TNRC18: variants seen among roughly 807,000 people sequenced by gnomAD.
TNRC18 encodes the protein trinucleotide repeat containing 18, also known as trinucleotide repeat-containing gene 18 protein.
TNRC18 carries 69 observed loss-of-function variants against 226.7 expected under a neutral mutation model. The observed-to-expected ratio is 0.30, with a 90% CI of 0.25 to 0.37. TNRC18 has a LOEUF of 0.37. TNRC18 is among the 10% of genes least tolerant of loss of function. The probability of loss-of-function intolerance (pLI) is 1.00; values close to 1 mark genes in which losing one functional copy is unlikely to be tolerated. For synonymous variants in TNRC18, 2,449 were observed against 1,927.6 expected, an observed-to-expected ratio of 1.27 and a Z score of -7.09; for missense variants, 4,754 against 4,256.6, an observed-to-expected ratio of 1.12 and a Z score of -3.25.
chr7:5,338,711 G>A (rs932679330), intron 18 of TNRC18, among the ~76,000 whole-genome samples: 4 of 150,224 alleles, frequency 2.7e-5, no homozygotes, highest in African/African-American at 4.9e-5. Flanking sequence ...ACGTGAGGTC[G>A]GGAGTTTGAG....
At position 5,421,279 on chromosome 7, in the gene TNRC18, C is replaced by T. The variant is rs1441594338; in HGVS notation, c.-33G>A. 7.9e-7 allele frequency: 1 copy of T among 1,271,108 alleles called. No homozygotes were observed. The highest frequency in any genetic ancestry group is 9.9e-7 in the Non-Finnish European group (1 of 1,006,458). 78.7% of individuals were successfully genotyped at this position (1,271,108 alleles called of 1,614,324 possible). ...GGGAGTGCCGCGATCAGCCCCCCAC[C>T]CGGCCCGCAGGCCTAGCTCAGTGGG... On this transcript the variant is annotated 5_prime_UTR_variant, in exon 2 of 30. Transcript: ENST00000430969.
chr7:5,371,292 G>A lies in TNRC18; in HGVS notation c.3302C>T (p.Pro1101Leu). 6.4e-7 allele frequency: 1 copy of A among 1,572,776 alleles called. No homozygotes were observed. Among genetic ancestry groups the A allele is most frequent in the Non-Finnish European group, 8.6e-7 (1 of 1,161,858 alleles). Residue 1101 changes from proline to leucine, a missense_variant, in exon 11 of 30, where the codon CCC (proline) becomes CTC (leucine). Pro to Leu is a moderately conservative substitution (Grantham distance 98). Coordinates refer to ENST00000430969, the MANE Select transcript of TNRC18 (RefSeq NM_001080495.3). ...GCCGTCCGCGTCGGCGGCGGCCGTG[G>A]GCTGCAGCAGGAAAGGGTAGGGCCT... Reference protein sequence around the residue: ...YGRPYPFLLQPTAAADADGLA... With the variant: ...YGRPYPFLLQLTAAADADGLA...
At chr7:5,351,735 C>A (rs574476372) in intron 17 of TNRC18, 84 bp downstream of exon 17, 3 of 1,429,444 alleles carry the variant, frequency 2.1e-6, no homozygotes, top group Non-Finnish European at 2.8e-6. Context: ...CTCTCCCGTG[C>A]GCCCACTCGC....
chr7:5,332,469 G>A lies in TNRC18; in HGVS notation c.6147+153C>T, dbSNP rs970934611. Among the ~76,000 whole-genome samples the A allele has an allele frequency of 1.7e-4, 26 of 152,292 alleles. 1 individual carries two copies. Among genetic ancestry groups the A allele is most frequent in the Admixed American group, 1.5e-3 (23 of 15,298 alleles). The stretch of plus-strand genomic sequence containing the variant: ...GAACAGGTGCCCAGCTCCTGCTGTG[G>A]CTAAGTCCTAGCAGGGGCTCCGGGC... On this transcript the variant is annotated intron_variant, in intron 19 of 29. Transcript: ENST00000430969.
At chr7:5,321,238 G>A (rs777056893) in intron 21 of TNRC18, 48 bp from the exon 22 acceptor site, 52 of 1,349,318 alleles carry the variant, frequency 3.9e-5, no homozygotes, top group Middle Eastern at 2.5e-4. Context: ...GGGCGTCTGC[G>A]ACACCTCTCC....
intron 17 of TNRC18, among the ~76,000 whole-genome samples, chr7:5,346,737 C>T (rs1399230496): frequency 1.3e-5 from 2 of 152,340 alleles, no homozygotes; most frequent in Middle Eastern, 3.4e-3. Flanking sequence ...CTCTCTGAGC[C>T]TCTATTTTCT....
At chr7:5,354,711 T>C (rs886582624) in intron 16 of TNRC18, among the ~76,000 whole-genome samples, 5 of 152,134 alleles carry the variant, frequency 3.3e-5, no homozygotes, top group African/African-American at 1.2e-4. Flanking sequence ...GCATGAGTCC[T>C]GGTGACCTGC....
intron 21 of TNRC18, 54 bp from the exon 22 acceptor site, chr7:5,321,244 T>A (rs1424950515): frequency 7.7e-7 from 1 of 1,295,950 alleles, no homozygotes; most frequent in Non-Finnish European, 1.1e-6. Context: ...CTGCGACACC[T>A]CTCCCTCCTC....
chr7:5,377,095 T>A lies in TNRC18; in HGVS notation c.2462-102A>T. On this transcript the variant is annotated intron_variant, in intron 7 of 29. Coordinates refer to ENST00000430969, the MANE Select transcript of TNRC18 (RefSeq NM_001080495.3). The surrounding 1 kb of genome is among the most constrained non-coding windows in gnomAD (Gnocchi z 5.8). ...ACCACCTCCCAAGTCCTGAACCTCC[T>A]GGGGCCTCCAGTGGGGAAGCCAAGG... 6.8e-7 allele frequency: 1 copy of A among 1,473,966 alleles called. No individual in the cohort carries two copies. The highest frequency in any genetic ancestry group is 9.1e-7 in the Non-Finnish European group (1 of 1,103,394). The allele number at this position is 1,473,966 out of a possible 1,614,324, so 91.3% of individuals were successfully genotyped here. A position where few individuals can be genotyped will look rare whatever the true frequency, so the allele number is the denominator to read the frequency against.
chr7:5,339,993 C>T (rs945865780), intron 18 of TNRC18, among the ~76,000 whole-genome samples: 3 of 152,072 alleles, frequency 2.0e-5, no homozygotes, highest in African/African-American at 4.8e-5. Context: ...ACAACAATAC[C>T]GAAATTAGGT....
Position 5,308,068 on chromosome 7 carries a change from G to T in TNRC18, c.*38C>A. 1 of 1,528,080 alleles carries T rather than the reference G, an allele frequency of 6.5e-7. No individual in the cohort carries two copies. Among genetic ancestry groups the T allele is most frequent in the Non-Finnish European group, 8.8e-7 (1 of 1,131,196 alleles). The allele number at this position is 1,528,080 out of a possible 1,614,324, so 94.7% of individuals were successfully genotyped here. A position where few individuals can be genotyped will look rare whatever the true frequency, so the allele number is the denominator to read the frequency against. The stretch of plus-strand genomic sequence containing the variant: ...CAGTGATGGAGATGGGTCCCTGGCC[G>T]CCCTCGGGGCACAGGTGGCCCGCAG... On this transcript the variant is annotated 3_prime_UTR_variant, in exon 30 of 30. Transcript: ENST00000430969.
In TNRC18 at chr7:5,389,027, A is replaced by T; in HGVS notation, c.797T>A (p.Leu266Gln). The change falls in exon 5 of 30, where the codon CTG (leucine) becomes CAG (glutamine). Residue 266 changes from leucine to glutamine, a missense_variant. Coordinates refer to ENST00000430969, the MANE Select transcript of TNRC18 (RefSeq NM_001080495.3). ...CGCATTCTTGGTCTTGGACTCAGCC[A>T]GGAAGGGCGACAGGCGCTCAGCCAG... ...PRLAERLSPFLAESKTKNAAL... is the reference protein window; with the variant it reads ...PRLAERLSPFQAESKTKNAAL... 7.6e-7 allele frequency: 1 copy of T among 1,317,214 alleles called. No homozygotes were observed. The highest frequency in any genetic ancestry group is 9.8e-7 in the Non-Finnish European group (1 of 1,023,988). 81.6% of individuals were successfully genotyped at this position (1,317,214 alleles called of 1,614,324 possible).
chr7:5,340,782 A>G (rs572984155), intron 18 of TNRC18, among the ~76,000 whole-genome samples: 1 of 151,936 alleles, frequency 6.6e-6, no homozygotes, highest in Non-Finnish European at 1.5e-5. Context: ...AGCCGTCTCC[A>G]TAACATAAAA....
In TNRC18 at chr7:5,421,284, C is replaced by T; in HGVS notation, c.-38G>A. On this transcript the variant is annotated 5_prime_UTR_variant, in exon 2 of 30. Coordinates refer to ENST00000430969, the MANE Select transcript of TNRC18 (RefSeq NM_001080495.3). Reference sequence around the variant, plus strand: ...TGCCGCGATCAGCCCCCCACCCGGCCCGCAGGCCTAGCTCAGTGGGACCTA... The same window carrying T: ...TGCCGCGATCAGCCCCCCACCCGGCTCGCAGGCCTAGCTCAGTGGGACCTA... 1 of 1,266,908 alleles carries T rather than the reference C, an allele frequency of 7.9e-7. No homozygotes were observed. Among genetic ancestry groups the T allele is most frequent in the Non-Finnish European group, 1.0e-6 (1 of 1,004,110 alleles). 78.5% of individuals were successfully genotyped at this position (1,266,908 alleles called of 1,614,324 possible).
intron 12 of TNRC18, among the ~76,000 whole-genome samples, chr7:5,362,427 T>C (rs1341655271): frequency 6.6e-6 from 1 of 152,078 alleles, no homozygotes; most frequent in Non-Finnish European, 1.5e-5. Flanking sequence ...CACCGCGACC[T>C]GTGTGATGAG....
At chr7:5,359,898 G>C (rs1792852475) in intron 14 of TNRC18, among the ~76,000 whole-genome samples, 1 of 152,058 alleles carries the variant, frequency 6.6e-6, no homozygotes, top group Admixed American at 6.6e-5. Flanking sequence ...ACAAAGATCA[G>C]AAACGCCAAG....
chr7:5,308,007 C>T lies in TNRC18; in HGVS notation c.*99G>A, dbSNP rs565491517. 3.0e-5 allele frequency: 35 copies of T among 1,156,568 alleles called. No individual in the cohort carries two copies. Among genetic ancestry groups the T allele is most frequent in the Non-Finnish European group, 3.7e-5 (30 of 819,368 alleles). 71.6% of individuals were successfully genotyped at this position (1,156,568 alleles called of 1,614,324 possible). A position where few individuals can be genotyped will look rare whatever the true frequency, so the allele number is the denominator to read the frequency against. ...CCATGCACACGCCTGCAGGAGCGCT[C>T]GCATGCACACAACGCACGTGGTCTC... On this transcript the variant is annotated 3_prime_UTR_variant, in exon 30 of 30. Coordinates refer to ENST00000430969, the MANE Select transcript of TNRC18 (RefSeq NM_001080495.3).
rs773549781 is a variant in TNRC18 at position 5,377,329 on chromosome 7, C to G, written c.2461+42G>C. ...TGTCCTGCACCCGCCCCCTCCCACCCCTCCCTCAGAGAAGGGGAGAGACCC... is the reference window on the plus strand; with the variant it reads ...TGTCCTGCACCCGCCCCCTCCCACCGCTCCCTCAGAGAAGGGGAGAGACCC... On this transcript the variant is annotated intron_variant, in intron 7 of 29. Coordinates refer to ENST00000430969, the MANE Select transcript of TNRC18 (RefSeq NM_001080495.3). This position sits in a 1 kb window ranked among gnomAD's most constrained non-coding sequence, Gnocchi z 5.8. 5 of 1,220,588 alleles carry G rather than the reference C, an allele frequency of 4.1e-6. No individual in the cohort carries two copies. The African/African-American group carries it at 7.6e-5, about 18-fold the overall frequency. The allele number at this position is 1,220,588 out of a possible 1,614,324, so 75.6% of individuals were successfully genotyped here.
At chr7:5,398,248 G>A (rs979658629) in intron 2 of TNRC18, among the ~76,000 whole-genome samples, 21 of 151,682 alleles carry the variant, frequency 1.4e-4, no homozygotes, top group Non-Finnish European at 2.1e-4. Flanking sequence ...TCGGCTCACC[G>A]CACCTTCCGC....
Sources: gnomAD v4.1 joint callset for allele counts (sites outside exome capture counted in the v4.1 genomes callset) on GRCh38, gnomAD v4.1.1 for gene constraint, Gnocchi (gnomAD v3.1) non-coding constraint, MANE v1.5 for transcripts, NCBI Gene and HGNC (gene_info 2026-07-23, HGNC 2026-07-21) for gene names.